The following DMD variants were observed in gnomAD, a reference collection of about 807,000 sequenced individuals.
DMD encodes the protein mutant dystrophin.
In DMD, 63 loss-of-function variants were observed where a neutral mutation model predicts 330.1. That is an observed-to-expected ratio of 0.19 (90% confidence interval 0.16 to 0.24). The LOEUF (loss-of-function observed/expected upper bound fraction) is 0.24. Among genes scored for constraint, DMD ranks in the 10% least tolerant of loss-of-function variants. The pLI is 1.00. For missense variants in DMD, 3,344 were observed against 2,684.1 expected (o/e 1.25, Z -5.43); for synonymous variants, 1,223 against 959.8 (o/e 1.27, Z -5.07).
intron 12 of DMD, among the ~76,000 whole-genome samples, chrX:32,604,134 A>T (rs900529416): frequency 1.9e-4 from 21 of 110,780 alleles, no homozygotes; most frequent in Non-Finnish European, 1.9e-5. Flanking sequence ...AAGCATAACA[A>T]AAAGATAATA....
At position 32,043,394 on chromosome X, in the gene DMD, G is replaced by A. The variant is rs190102820; in HGVS notation, c.6439-74880C>T. Among the ~76,000 whole-genome samples the A allele has an allele frequency of 1.5e-4, 17 of 111,850 alleles. No individual in the cohort carries two copies. The East Asian group carries it at 4.8e-3, about 31-fold the overall frequency. ...TATGTTCAATAAAAAATCATTATGA[G>A]AAAGTTCACTGAACCTTTTATACAA... On this transcript the variant is annotated intron_variant, in intron 44 of 78. Transcript: ENST00000357033.
chrX:33,050,773 G>A (rs752013571), intron 1 of DMD, among the ~76,000 whole-genome samples: 9 of 112,092 alleles, frequency 8.0e-5, no homozygotes, highest in South Asian at 3.7e-4. Context: ...GGAAATATAA[G>A]GCTAATGAAT....
At chrX:31,394,525 G>A (rs1277219422) in intron 60 of DMD, among the ~76,000 whole-genome samples, 1 of 112,120 alleles carries the variant, frequency 8.9e-6, no homozygotes, top group Non-Finnish European at 1.9e-5. Flanking sequence ...TGGGTGCAGT[G>A]GCTCGTGCCT....
At chrX:31,413,038 G>A (rs6527086) in intron 60 of DMD, among the ~76,000 whole-genome samples, 1 of 110,635 alleles carries the variant, frequency 9.0e-6, no homozygotes, top group Non-Finnish European at 1.9e-5. Flanking sequence ...TATAACCATC[G>A]CTATACCTTT....
intron 44 of DMD, among the ~76,000 whole-genome samples, chrX:32,004,013 A>T (rs1178594823): frequency 9.0e-6 from 1 of 111,146 alleles, no homozygotes; most frequent in Non-Finnish European, 1.9e-5. Context: ...TTTCTTTCTA[A>T]AAGTTTCTTT....
chrX:32,598,618 T>C (rs1297271634), intron 12 of DMD, among the ~76,000 whole-genome samples: 5 of 112,110 alleles, frequency 4.5e-5, no homozygotes, highest in Non-Finnish European at 7.5e-5. Flanking sequence ...ACTTAAGAAG[T>C]GTAAGAAAAA....
intron 44 of DMD, among the ~76,000 whole-genome samples, chrX:31,978,292 T>C (rs868351885): frequency 5.4e-5 from 6 of 110,936 alleles, no homozygotes; most frequent in Middle Eastern, 4.6e-3. Flanking sequence ...TTTTGTCCCT[T>C]TTTTTTTCAT....
chrX:31,392,119 G>A (rs1656630909), intron 60 of DMD, among the ~76,000 whole-genome samples: 1 of 112,052 alleles, frequency 8.9e-6, no homozygotes, highest in Non-Finnish European at 1.9e-5. Flanking sequence ...TGGCCAAAGA[G>A]ATGTTAGGGA....
At chrX:32,429,209 CTT>C (rs781555625) in intron 29 of DMD, among the ~76,000 whole-genome samples, 7,395 of 75,058 alleles carry the variant, frequency 0.099, 157 homozygotes, top group Non-Finnish European at 0.11. Context: ...CTTTTCTTTC[CTT>C]TTTTTTTTTT....
intron 1 of DMD, among the ~76,000 whole-genome samples, chrX:33,053,029 G>A (rs931651662): frequency 2.7e-5 from 3 of 111,632 alleles, no homozygotes; most frequent in African/African-American, 9.8e-5. Flanking sequence ...CTATCTGTCG[G>A]TAGATCTTTT....
At chrX:31,863,339 T>C (rs769772197) in intron 48 of DMD, among the ~76,000 whole-genome samples, 2 of 111,936 alleles carry the variant, frequency 1.8e-5, no homozygotes, top group South Asian at 3.7e-4. Context: ...CAAGACTCCG[T>C]CTCAAACAAA....
At chrX:33,069,872 T>C (rs1377776046) in intron 1 of DMD, among the ~76,000 whole-genome samples, 1 of 111,917 alleles carries the variant, frequency 8.9e-6, no homozygotes, top group Non-Finnish European at 1.9e-5. Context: ...TCTACTATAG[T>C]ATCTCTTCCT....
At chrX:32,117,406 G>A (rs796757235) in intron 44 of DMD, among the ~76,000 whole-genome samples, 2 of 111,781 alleles carry the variant, frequency 1.8e-5, no homozygotes, top group South Asian at 3.8e-4. Flanking sequence ...CTACTAATAC[G>A]GTTCCACAGA....
At chrX:32,843,152 C>CTGT (rs2080324148) in intron 4 of DMD, among the ~76,000 whole-genome samples, 1 of 111,459 alleles carries the variant, frequency 9.0e-6, no homozygotes, top group South Asian at 3.7e-4. Flanking sequence ...CAGGATATCC[C>CTGT]AAAGTTTGTT....
At chrX:33,203,390 A>G (rs2051389926) in intron 1 of DMD, among the ~76,000 whole-genome samples, 1 of 111,865 alleles carries the variant, frequency 8.9e-6, no homozygotes, top group Non-Finnish European at 1.9e-5. Context: ...TAGGAAGTGC[A>G]GAGTACAGGA....
At chrX:31,320,997 A>T (rs772290827) in intron 62 of DMD, among the ~76,000 whole-genome samples, 1 of 111,600 alleles carries the variant, frequency 9.0e-6, no homozygotes, top group Non-Finnish European at 1.9e-5. Flanking sequence ...CCTAAATTAT[A>T]TACCAAGATT....
intron 1 of DMD, among the ~76,000 whole-genome samples, chrX:33,240,343 T>C (rs1389990218): frequency 8.9e-6 from 1 of 112,157 alleles, no homozygotes. Flanking sequence ...GCCTGGCTTA[T>C]TTAACTTAAT....
At chrX:32,444,321 A>C (rs1381738023) in intron 27 of DMD, among the ~76,000 whole-genome samples, 1 of 110,347 alleles carries the variant, frequency 9.1e-6, no homozygotes, top group Non-Finnish European at 1.9e-5. Context: ...TAAAATCTCT[A>C]CAATCCTGAT....
chrX:32,614,228 C>T, intron 12 of DMD, 75 bp downstream of exon 12: 3 of 964,902 alleles, frequency 3.1e-6, no homozygotes, highest in Non-Finnish European at 2.9e-6. Flanking sequence ...ACCATGTCAT[C>T]TGTGTTACTG....
Sources: gnomAD v4.1 joint callset for allele counts (sites outside exome capture counted in the v4.1 genomes callset) on GRCh38, gnomAD v4.1.1 for gene constraint, MANE v1.5 for transcripts, NCBI Gene and HGNC (gene_info 2026-07-23, HGNC 2026-07-21) for gene names.